The following ASTN2 variants were observed in gnomAD, a reference collection of about 807,000 sequenced individuals.
ASTN2 encodes astrotactin 2.
Under a neutral mutation model 139.8 loss-of-function variants are expected in ASTN2, and 54 were observed. That is an observed-to-expected ratio of 0.39 (90% CI 0.31 to 0.48). ASTN2 has a LOEUF of 0.48. Ranked by LOEUF, ASTN2 falls within the 20% of genes least tolerant of loss-of-function variation. ASTN2 has a pLI of 0.95. For missense variants in ASTN2, 1,565 were observed against 1,725.1 expected (o/e 0.91, Z 1.64); for synonymous variants, 756 against 719.5 (o/e 1.05, Z -0.81).
At chr9:117,009,974 T>A (rs1485390117) in intron 6 of ASTN2, among the ~76,000 whole-genome samples, 1 of 152,192 alleles carries the variant, frequency 6.6e-6, no homozygotes, top group Non-Finnish European at 1.5e-5. Flanking sequence ...GCAATGATTA[T>A]CTTCTCTAAT....
intron 1 of ASTN2, among the ~76,000 whole-genome samples, chr9:117,372,823 C>G (rs1177575619): frequency 3.9e-5 from 6 of 152,104 alleles, no homozygotes; most frequent in Non-Finnish European, 7.3e-5. Context: ...AGGGAGGAAT[C>G]CTTTGCAAAT....
At chr9:116,510,086 C>T (rs1163804122) in intron 19 of ASTN2, among the ~76,000 whole-genome samples, 2 of 152,156 alleles carry the variant, frequency 1.3e-5, no homozygotes, top group African/African-American at 4.8e-5. Flanking sequence ...TTGCCCATGC[C>T]TATGTCCTGA....
chr9:116,620,785 G>A (rs1032095190), intron 17 of ASTN2, among the ~76,000 whole-genome samples: 13 of 152,118 alleles, frequency 8.5e-5, no homozygotes, highest in African/African-American at 2.7e-4. Flanking sequence ...TTACAAGTTG[G>A]AAAACTGAAG....
At chr9:116,467,497 C>G (rs2118996158) in intron 20 of ASTN2, among the ~76,000 whole-genome samples, 2 of 152,308 alleles carry the variant, frequency 1.3e-5, no homozygotes, top group African/African-American at 4.8e-5. Flanking sequence ...AATCTCTTGA[C>G]CTCGTGATCC....
At chr9:116,929,286 A>G (rs1003949765) in intron 10 of ASTN2, among the ~76,000 whole-genome samples, 3 of 152,224 alleles carry the variant, frequency 2.0e-5, no homozygotes, top group African/African-American at 7.2e-5. Flanking sequence ...AGAAGATGCC[A>G]CTGACTAGTG....
intron 3 of ASTN2, among the ~76,000 whole-genome samples, chr9:117,186,947 G>A (rs1831215780): frequency 6.6e-6 from 1 of 152,144 alleles, no homozygotes; most frequent in African/African-American, 2.4e-5. Flanking sequence ...TGGCCAACAT[G>A]GTGAAACCCC....
At chr9:117,018,521 G>C (rs1837781250) in intron 6 of ASTN2, among the ~76,000 whole-genome samples, 1 of 152,254 alleles carries the variant, frequency 6.6e-6, no homozygotes, top group South Asian at 2.1e-4. Context: ...TTGTGTCAGT[G>C]TGTGTATGTT....
intron 5 of ASTN2, among the ~76,000 whole-genome samples, chr9:117,044,980 A>AT (rs1170236556): frequency 2.6e-5 from 4 of 152,144 alleles, no homozygotes; most frequent in Non-Finnish European, 5.9e-5. Context: ...CAGAGATTGG[A>AT]TGAGAACTAG....
intron 1 of ASTN2, among the ~76,000 whole-genome samples, chr9:117,412,006 C>CG (rs1831176911): frequency 1.1e-5 from 1 of 90,912 alleles, no homozygotes; most frequent in African/African-American, 4.0e-5. Flanking sequence ...CACCTCACCC[C>CG]TCCCCCCCCC....
At chr9:117,164,515 A>G (rs1212239300) in intron 3 of ASTN2, among the ~76,000 whole-genome samples, 1 of 152,102 alleles carries the variant, frequency 6.6e-6, no homozygotes, top group African/African-American at 2.4e-5. Flanking sequence ...ATCAATAGCT[A>G]TTAAATCAAA....
chr9:116,655,184 T>G (rs1215288663), intron 16 of ASTN2, among the ~76,000 whole-genome samples: 1 of 152,204 alleles, frequency 6.6e-6, no homozygotes, highest in Non-Finnish European at 1.5e-5. Flanking sequence ...AGAGACTGTG[T>G]CATGCCTAAG....
Position 117,291,300 on chromosome 9 carries a change from C to A in ASTN2, c.630+26G>T, listed in dbSNP as rs1314516172. ...ATTCCTCCCCCACGCAATCCCCGACCCCGGTCACATCCCCCCATCACTCAC... is the reference window on the plus strand; with the variant it reads ...ATTCCTCCCCCACGCAATCCCCGACACCGGTCACATCCCCCCATCACTCAC... On this transcript the variant is annotated intron_variant, in intron 2 of 22. Coordinates refer to ENST00000313400, the MANE Select transcript of ASTN2 (RefSeq NM_001365068.1). 7.4e-6 allele frequency: 12 copies of A among 1,613,096 alleles called. No individual in the cohort carries two copies. In the South Asian group the frequency reaches 1.3e-4, roughly 18 times the overall value.
chr9:116,963,517 C>T (rs1278335389), intron 10 of ASTN2, among the ~76,000 whole-genome samples: 2 of 152,052 alleles, frequency 1.3e-5, no homozygotes, highest in East Asian at 3.9e-4. Flanking sequence ...AGCCATGGCC[C>T]AATTGGTACA....
rs527763548 is a variant in ASTN2, at chr9:116,799,885, A to G, written c.2396+5747T>C. Among the ~76,000 whole-genome samples the G allele has an allele frequency of 2.4e-4, 36 of 152,310 alleles. No individual in the cohort carries two copies. The South Asian group carries it at 7.5e-3, about 32-fold the overall frequency. On this transcript the variant is annotated intron_variant, in intron 13 of 22. Coordinates refer to ENST00000313400, the MANE Select transcript of ASTN2 (RefSeq NM_001365068.1). ...AACACTTAGCACCGGAAGGGATAAG[A>G]AACAACAAAGCTTGACATCACTTAA... is the stretch of plus-strand genomic sequence containing the variant.
At chr9:117,287,891 A>G (rs1834489995) in intron 2 of ASTN2, among the ~76,000 whole-genome samples, 1 of 152,142 alleles carries the variant, frequency 6.6e-6, no homozygotes, top group Non-Finnish European at 1.5e-5. Context: ...ACTCTTTTCA[A>G]TAATTTTTCT....
chr9:116,516,195 G>T (rs907681540), intron 19 of ASTN2, among the ~76,000 whole-genome samples: 1 of 152,116 alleles, frequency 6.6e-6, no homozygotes, highest in Non-Finnish European at 1.5e-5. Flanking sequence ...CCTGTGTATT[G>T]CAGAAATAAA....
intron 10 of ASTN2, among the ~76,000 whole-genome samples, chr9:116,909,017 A>G (rs895301469): frequency 2.6e-5 from 4 of 152,174 alleles, no homozygotes; most frequent in Non-Finnish European, 5.9e-5. Flanking sequence ...GGAACTGGTA[A>G]AAGTAGGCAG....
At chr9:116,897,579 C>A (rs891070277) in intron 10 of ASTN2, among the ~76,000 whole-genome samples, 2 of 152,074 alleles carry the variant, frequency 1.3e-5, no homozygotes, top group African/African-American at 2.4e-5. Context: ...CTGAAAACAA[C>A]CTAAATACTC....
chr9:116,771,592 G>T (rs1829955248), intron 13 of ASTN2, among the ~76,000 whole-genome samples: 2 of 152,312 alleles, frequency 1.3e-5, no homozygotes, highest in Non-Finnish European at 2.9e-5. Context: ...ATGAATGAAT[G>T]AATGAATCTA....
Sources: allele counts gnomAD v4.1 joint callset (sites outside exome capture counted in the v4.1 genomes callset), GRCh38; gene constraint gnomAD v4.1.1; transcripts MANE v1.5; gene names NCBI Gene and HGNC (gene_info 2026-07-23, HGNC 2026-07-21).